Variants in IRF9 observed in about 807,000 individuals in gnomAD.
IRF9 encodes the protein IFN-alpha-responsive transcription factor subunit.
In IRF9, 13 loss-of-function variants were observed where a neutral mutation model predicts 44.1. The ratio of observed to expected loss-of-function variants is 0.29; its 90% CI spans 0.19 to 0.47. The LOEUF (loss-of-function observed/expected upper bound fraction) is 0.47. Among genes scored for constraint, IRF9 ranks in the 20% least tolerant of loss-of-function variants. The probability of loss-of-function intolerance (pLI) is 1.00; values close to 1 mark genes in which losing one functional copy is unlikely to be tolerated. For synonymous variants in IRF9, 189 were observed against 188.5 expected (o/e 1.00, Z -0.02); for missense variants, 373 against 496.1 (o/e 0.75, Z 2.36).
chr14:24,162,432 G>A, intron 2 of IRF9, 108 bp downstream of exon 2: 1 of 1,068,952 alleles, frequency 9.4e-7, no homozygotes, highest in Non-Finnish European at 1.4e-6. Flanking sequence ...ATAAGGGACA[G>A]ATTGGAGAGG....
chr14:24,163,323 C>A, intron 3 of IRF9, 55 bp from the exon 4 acceptor site: 1 of 1,591,996 alleles, frequency 6.3e-7, no homozygotes, highest in Non-Finnish European at 8.6e-7. Context: ...CTCTCCTTCA[C>A]CCTCTGTCCT....
chr14:24,164,633 C>T lies in IRF9; in HGVS notation c.669C>T (p.Thr223=). 6.2e-7 allele frequency: 1 copy of T among 1,606,450 alleles called. No homozygotes were observed. Residue 223 remains threonine, a synonymous_variant, in exon 7 of 9, where the codon ACC becomes ACT. Coordinates refer to ENST00000396864, the MANE Select transcript of IRF9 (RefSeq NM_006084.5). This position sits in a 1 kb window ranked among gnomAD's most constrained non-coding sequence, Gnocchi z 5.2. ...PPEPDYSLLL[T]FIYNGRVVGE... is the part of the protein sequence containing the mutation. The stretch of plus-strand genomic sequence containing the variant: ...CCCCAGACTACTCACTGCTGCTCAC[C>T]TTCATCTACAACGGGCGCGTGGTGG...
Position 24,164,016 on chromosome 14 carries a change from C to A in IRF9, c.578-47C>A. 2 of 1,612,466 alleles carry A rather than the reference C, an allele frequency of 1.2e-6. No homozygotes were observed. The highest frequency in any genetic ancestry group is 1.7e-6 in the Non-Finnish European group (2 of 1,178,882). On this transcript the variant is annotated intron_variant, in intron 5 of 8. Transcript: ENST00000396864. This position sits in a 1 kb window ranked among gnomAD's most constrained non-coding sequence, Gnocchi z 5.2. Reference sequence around the variant, plus strand: ...CCATGCCACACCCTCTGGCCCAAGACTCCCCAGTCCCACTCTGAATGACCA... The same window carrying A: ...CCATGCCACACCCTCTGGCCCAAGAATCCCCAGTCCCACTCTGAATGACCA...
chr14:24,165,015 G>A, intron 7 of IRF9, 60 bp downstream of exon 7: 2 of 1,518,618 alleles, frequency 1.3e-6, no homozygotes, highest in Non-Finnish European at 1.8e-6. Context: ...TACCCCCTGG[G>A]CCCAACTTGT....
rs2038499330 is a variant in IRF9 at position 24,164,584 on chromosome 14, C to A, written c.650-30C>A. 1.9e-6 allele frequency: 3 copies of A among 1,544,488 alleles called. No individual in the cohort carries two copies. Among genetic ancestry groups the A allele is most frequent in the Non-Finnish European group, 2.6e-6 (3 of 1,138,452 alleles). On this transcript the variant is annotated intron_variant, in intron 6 of 8. Transcript: ENST00000396864. The surrounding 1 kb of genome is among the most constrained non-coding windows in gnomAD (Gnocchi z 5.2). Reference sequence around the variant, plus strand: ...GCTGCTGCCAGCCTGCATGCTCCTCCAGCACCAGGTAGGGCTGTTCTATCC... The same window carrying A: ...GCTGCTGCCAGCCTGCATGCTCCTCAAGCACCAGGTAGGGCTGTTCTATCC...
chr14:24,161,593 G>A (rs1388051946), intron 1 of IRF9, among the ~76,000 whole-genome samples: 1 of 152,188 alleles, frequency 6.6e-6, no homozygotes, highest in Non-Finnish European at 1.5e-5. Flanking sequence ...AGCCTCAGTG[G>A]ACCATTTGTT....
At position 24,162,956 on chromosome 14, in the gene IRF9, T is replaced by G; in HGVS notation, c.181-10T>G. 6.2e-7 allele frequency: 1 copy of G among 1,611,970 alleles called. No homozygotes were observed. The highest frequency in any genetic ancestry group is 8.5e-7 in the Non-Finnish European group (1 of 1,179,012). On this transcript the variant is annotated splice_polypyrimidine_tract_variant and intron_variant, in intron 2 of 8. Coordinates refer to ENST00000396864, the MANE Select transcript of IRF9 (RefSeq NM_006084.5). Reference sequence around the variant, plus strand: ...CACACTGCCTCTTCTTCCCTTGCTTTCTTTCCTAGGCCTGGGCAATATTTA... The same window carrying G: ...CACACTGCCTCTTCTTCCCTTGCTTGCTTTCCTAGGCCTGGGCAATATTTA...
At chr14:24,163,762 G>A (rs920531068) in intron 4 of IRF9, 116 bp from the exon 5 acceptor site, 28 of 1,091,154 alleles carry the variant, frequency 2.6e-5, no homozygotes, top group African/African-American at 6.4e-5. Flanking sequence ...CGCTTGAACC[G>A]GGGGGCGGAG....
intron 7 of IRF9, chr14:24,165,314 C>T (rs1477037028): frequency 3.0e-6 from 2 of 656,216 alleles, no homozygotes; most frequent in Admixed American, 2.1e-5. Flanking sequence ...TACGTACACA[C>T]ATTTGGGAGA....
chr14:24,163,985 C>T (rs200714346), intron 5 of IRF9, 26 bp downstream of exon 5: 980 of 1,609,126 alleles, frequency 6.1e-4, no homozygotes, highest in Non-Finnish European at 7.8e-4. Flanking sequence ...CCTCTTGTGT[C>T]GTCCCCCATG....
chr14:24,163,218 T>TC, intron 3 of IRF9, 69 bp downstream of exon 3: 1 of 1,577,642 alleles, frequency 6.3e-7, no homozygotes, highest in Non-Finnish European at 8.6e-7. Flanking sequence ...TGTGCAGGCT[T>TC]CCCCCAGGCT....
In IRF9 at chr14:24,162,236, A is replaced by C. The variant is rs1245111601; in HGVS notation, c.92A>C (p.Asp31Ala). ...GGGCAGTTTCCCGGAGTGTGCTGGG[A>C]TGATACAGCTAAGACCATGTTCCGG... ...ESGQFPGVCW[D>A]DTAKTMFRIP... Residue 31 changes from aspartate (D) to alanine (A), a missense_variant, in exon 2 of 9, where the codon GAT becomes GCT. Coordinates refer to ENST00000396864, the MANE Select transcript of IRF9 (RefSeq NM_006084.5). The C allele has an allele frequency of 1.9e-6, 3 of 1,613,926 alleles. No individual in the cohort carries two copies.
Position 24,163,241 on chromosome 14 carries a change from C to T in IRF9, c.364+92C>T, listed in dbSNP as rs1037576183. Reference sequence around the variant, plus strand: ...CTTCCCCCAGGCTTATAGCTCTGCCCTGTCCATGCCCTTGGGGGGCTGCAA... The same window carrying T: ...CTTCCCCCAGGCTTATAGCTCTGCCTTGTCCATGCCCTTGGGGGGCTGCAA... On this transcript the variant is annotated intron_variant, in intron 3 of 8. Coordinates refer to ENST00000396864, the MANE Select transcript of IRF9 (RefSeq NM_006084.5). 64 of 1,551,026 alleles carry T rather than the reference C, an allele frequency of 4.1e-5. No homozygotes were observed. The African/African-American group carries it at 7.7e-4, about 19-fold the overall frequency.
intron 7 of IRF9, chr14:24,165,599 C>G: frequency 1.8e-6 from 1 of 558,482 alleles, no homozygotes; most frequent in South Asian, 2.2e-5. Context: ...CTAAACTCTC[C>G]CAGCAGAGAG....
chr14:24,165,189 GC>G (rs1566620928), intron 7 of IRF9: 3 of 703,080 alleles, frequency 4.3e-6, no homozygotes, highest in East Asian at 2.7e-5. Context: ...TTCAGGTAGA[GC>G]CCAGCACAAG....
Position 24,162,391 on chromosome 14 carries a change from C to T in IRF9, c.180+67C>T. 3.4e-6 allele frequency: 5 copies of T among 1,466,110 alleles called. No homozygotes were observed. The South Asian group carries it at 5.2e-5, about 15-fold the overall frequency. The allele number at this position is 1,466,110 out of a possible 1,614,324, so 90.8% of individuals were successfully genotyped here. ...GGTGTATACACACTGGTACACTCAT[C>T]CTCGAGCACTTGCGTCTGCCTGGGT... is the stretch of plus-strand genomic sequence containing the variant. On this transcript the variant is annotated intron_variant, in intron 2 of 8. Coordinates refer to ENST00000396864, the MANE Select transcript of IRF9 (RefSeq NM_006084.5).
intron 4 of IRF9, 63 bp downstream of exon 4, chr14:24,163,571 G>A (rs1332068004): frequency 6.4e-7 from 1 of 1,564,348 alleles, no homozygotes; most frequent in Non-Finnish European, 8.7e-7. Context: ...GGGAGAGGTG[G>A]GCCAATGAAA....
In IRF9 at chr14:24,162,172, C is replaced by G; in HGVS notation, c.28C>G (p.Arg10Gly). The stretch of plus-strand genomic sequence containing the variant: ...GGCATCAGGCAGGGCACGCTGCACC[C>G]GAAAACTCCGGAACTGGGTGGTGGA... Reference protein sequence around the residue: MASGRARCTRKLRNWVVEQV... With the variant: MASGRARCTGKLRNWVVEQV... Residue 10 changes from arginine to glycine, a missense_variant, in exon 2 of 9, where the codon CGA becomes GGA. Physicochemically the swap from Arg to Gly is moderately radical, Grantham distance 125. Coordinates refer to ENST00000396864, the MANE Select transcript of IRF9 (RefSeq NM_006084.5). 1 of 1,614,056 alleles carries G rather than the reference C, an allele frequency of 6.2e-7. No homozygotes were observed. Among genetic ancestry groups the G allele is most frequent in the South Asian group, 1.1e-5 (1 of 91,076 alleles).
chr14:24,165,822 G>A lies in IRF9; in HGVS notation c.992-25G>A, dbSNP rs182042925. On this transcript the variant is annotated intron_variant, in intron 7 of 8. Coordinates refer to ENST00000396864, the MANE Select transcript of IRF9 (RefSeq NM_006084.5). ...GCCCTCTCTCTTCTTTTTGTTCTTC[G>A]AACCCTTGACCCTTTCTCTTTCAGA... 165 of 1,554,644 alleles carry A rather than the reference G, an allele frequency of 1.1e-4. No individual in the cohort carries two copies. The East Asian group carries it at 2.5e-3, about 24-fold the overall frequency.
Sources: allele counts gnomAD v4.1 joint callset (sites outside exome capture counted in the v4.1 genomes callset), GRCh38; gene constraint gnomAD v4.1.1; non-coding constraint Gnocchi (gnomAD v3.1); transcripts MANE v1.5; gene names NCBI Gene and HGNC (gene_info 2026-07-23, HGNC 2026-07-21).